The following UBE2E2 variants were observed in gnomAD, a reference collection of about 807,000 sequenced individuals.
The protein encoded by UBE2E2 is ubiquitin-conjugating enzyme E2 E2.
Under a neutral mutation model 24.7 loss-of-function variants are expected in UBE2E2, and 6 were observed. That is an observed-to-expected ratio of 0.24 (90% CI 0.13 to 0.48). The LOEUF is 0.48. Among genes scored for constraint, UBE2E2 ranks in the 20% least tolerant of loss-of-function variants. The pLI, the probability that UBE2E2 is intolerant of heterozygous loss-of-function variation, is 0.99. For missense variants in UBE2E2, 169 were observed against 245.0 expected (o/e 0.69, Z 2.07); for synonymous variants, 104 against 83.6 (o/e 1.24, Z -1.33).
At chr3:23,489,251 A>C (rs988163913) in intron 3 of UBE2E2, among the ~76,000 whole-genome samples, 1 of 152,186 alleles carries the variant, frequency 6.6e-6, no homozygotes, top group Non-Finnish European at 1.5e-5. Context: ...ATTGTAATAT[A>C]TAATGAAATA....
chr3:23,488,491 T>C (rs1699428336), intron 3 of UBE2E2, among the ~76,000 whole-genome samples: 1 of 152,226 alleles, frequency 6.6e-6, no homozygotes, highest in Admixed American at 6.5e-5. Context: ...CTAAGATAGT[T>C]AACTGTCCCT....
chr3:23,293,965 A>G (rs1469247455), intron 3 of UBE2E2, among the ~76,000 whole-genome samples: 1 of 152,214 alleles, frequency 6.6e-6, no homozygotes, highest in Non-Finnish European at 1.5e-5. Flanking sequence ...AAATAAATAT[A>G]ATACATTCAA....
chr3:23,487,623 A>T (rs1002229779), intron 3 of UBE2E2, among the ~76,000 whole-genome samples: 1 of 152,186 alleles, frequency 6.6e-6, no homozygotes, highest in African/African-American at 2.4e-5. Flanking sequence ...TGATGCTCAC[A>T]TCAACTTTCT....
intron 3 of UBE2E2, among the ~76,000 whole-genome samples, chr3:23,478,347 A>G (rs1485407154): frequency 6.6e-6 from 1 of 152,230 alleles, no homozygotes; most frequent in African/African-American, 2.4e-5. Context: ...ACCAGGTTTT[A>G]CAAAGTGGCT....
intron 3 of UBE2E2, among the ~76,000 whole-genome samples, chr3:23,351,930 A>AT (rs996286852): frequency 2.6e-5 from 4 of 152,116 alleles, no homozygotes; most frequent in South Asian, 2.1e-4. Context: ...CAGAATATAC[A>AT]TTTTTTTCAG....
intron 3 of UBE2E2, among the ~76,000 whole-genome samples, chr3:23,306,767 A>G (rs1473622342): frequency 6.6e-6 from 1 of 152,208 alleles, no homozygotes; most frequent in Non-Finnish European, 1.5e-5. Context: ...CCATTGAACC[A>G]TGGATGCTGA....
In UBE2E2 at chr3:23,583,364, A is replaced by G. The variant is rs184940284; in HGVS notation, c.509-6370A>G. On this transcript the variant is annotated intron_variant, in intron 5 of 5. Transcript: ENST00000396703. This position sits in a 1 kb window ranked among gnomAD's most constrained non-coding sequence, Gnocchi z 4.1. Reference sequence around the variant, plus strand: ...GTATGCTTTGAAGTCAGGTCATGTGATGCTTCCACCTTTGTTCTTTTTGCT... The same window carrying G: ...GTATGCTTTGAAGTCAGGTCATGTGGTGCTTCCACCTTTGTTCTTTTTGCT... Among the ~76,000 whole-genome samples the G allele has an allele frequency of 1.4e-4, 22 of 152,278 alleles. No homozygotes were observed. The South Asian group carries it at 2.1e-3, about 14-fold the overall frequency.
Position 23,583,341 on chromosome 3 carries a change from A to G in UBE2E2, c.509-6393A>G, listed in dbSNP as rs1696532927. On this transcript the variant is annotated intron_variant, in intron 5 of 5. Transcript: ENST00000396703. The surrounding 1 kb of genome is among the most constrained non-coding windows in gnomAD (Gnocchi z 4.1). Reference sequence around the variant, plus strand: ...GTTTTGGTTACTATAGCCTTGTAGTATGCTTTGAAGTCAGGTCATGTGATG... The same window carrying G: ...GTTTTGGTTACTATAGCCTTGTAGTGTGCTTTGAAGTCAGGTCATGTGATG... Among the ~76,000 whole-genome samples the G allele has an allele frequency of 1.3e-5, 2 of 152,194 alleles. No homozygotes were observed. The highest frequency in any genetic ancestry group is 6.5e-5 in the Admixed American group (1 of 15,278).
At chr3:23,538,679 A>G (rs1695320294) in intron 5 of UBE2E2, among the ~76,000 whole-genome samples, 1 of 152,110 alleles carries the variant, frequency 6.6e-6, no homozygotes, top group African/African-American at 2.4e-5. Context: ...GCTTATTAAG[A>G]TGGATGAATA....
chr3:23,257,832 C>T (rs1022630905), intron 3 of UBE2E2, among the ~76,000 whole-genome samples: 2 of 151,834 alleles, frequency 1.3e-5, no homozygotes, highest in Non-Finnish European at 2.9e-5. Flanking sequence ...TCTCACAATC[C>T]TATAGGATTA....
At chr3:23,284,273 G>A (rs1052441898) in intron 3 of UBE2E2, among the ~76,000 whole-genome samples, 1 of 152,042 alleles carries the variant, frequency 6.6e-6, no homozygotes, top group African/African-American at 2.4e-5. Flanking sequence ...TTACCTTAAA[G>A]AGAAGGCACA....
intron 5 of UBE2E2, among the ~76,000 whole-genome samples, chr3:23,542,042 G>C (rs1442913793): frequency 6.6e-6 from 1 of 152,122 alleles, no homozygotes; most frequent in Admixed American, 6.6e-5. Context: ...ATCTAGCTTT[G>C]GATGCCAGCA....
At chr3:23,326,722 G>A (rs922363370) in intron 3 of UBE2E2, among the ~76,000 whole-genome samples, 6 of 152,172 alleles carry the variant, frequency 3.9e-5, no homozygotes, top group African/African-American at 7.2e-5. Context: ...TGTGCACAAC[G>A]TGCAGGTTTG....
chr3:23,214,099 G>A (rs1352528692), intron 2 of UBE2E2, among the ~76,000 whole-genome samples: 3 of 152,020 alleles, frequency 2.0e-5, no homozygotes, highest in Admixed American at 2.0e-4. Flanking sequence ...AACCATTTTA[G>A]GTAACAGTAG....
chr3:23,406,526 T>C (rs1697359012), intron 3 of UBE2E2, among the ~76,000 whole-genome samples: 1 of 152,228 alleles, frequency 6.6e-6, no homozygotes, highest in Non-Finnish European at 1.5e-5. Context: ...ATTGTTGTTA[T>C]GTATCCGCTT....
intron 4 of UBE2E2, among the ~76,000 whole-genome samples, chr3:23,523,071 A>G (rs2125476841): frequency 6.6e-6 from 1 of 152,254 alleles, no homozygotes; most frequent in African/African-American, 2.4e-5. Context: ...AATATAATGA[A>G]AGAAGTAACT....
intron 5 of UBE2E2, among the ~76,000 whole-genome samples, chr3:23,585,219 T>A (rs1559430307): frequency 6.6e-6 from 1 of 151,370 alleles, no homozygotes; most frequent in Non-Finnish European, 1.5e-5. Context: ...AAAAAATAAA[T>A]CAATAAACTG....
chr3:23,224,156 GTTTTTTTTTTTT>G (rs531661466), intron 3 of UBE2E2, among the ~76,000 whole-genome samples: 171 of 93,704 alleles, frequency 1.8e-3, no homozygotes, highest in African/African-American at 6.6e-3. Context: ...TAAATTTTAG[GTTTTTTTTTTTT>G]TTTTTTTTTT....
chr3:23,556,453 T>TAAAAAAAAAAAAAAAAAA (rs1321819270), intron 5 of UBE2E2, among the ~76,000 whole-genome samples: 7 of 69,000 alleles, frequency 1.0e-4, no homozygotes, highest in African/African-American at 2.0e-4. Flanking sequence ...TAAAATTTAT[T>TAAAAAAAAAAAAAAAAAA]TAAAAAAAAA....
Sources: gnomAD v4.1 joint callset for allele counts (sites outside exome capture counted in the v4.1 genomes callset) on GRCh38, gnomAD v4.1.1 for gene constraint, Gnocchi (gnomAD v3.1) non-coding constraint, MANE v1.5 for transcripts, NCBI Gene and HGNC (gene_info 2026-07-23, HGNC 2026-07-21) for gene names.